TEAD1: variants seen among roughly 807,000 people sequenced by gnomAD.
TEAD1 encodes the protein transcriptional enhancer factor TEF-1.
TEAD1 carries 9 observed loss-of-function variants against 54.9 expected under a neutral mutation model. That is an observed-to-expected ratio of 0.16 (90% CI 0.10 to 0.29). TEAD1 has a LOEUF of 0.29. Among genes scored for constraint, TEAD1 ranks in the 10% least tolerant of loss-of-function variants. TEAD1 has a pLI of 1.00. For synonymous variants in TEAD1, 200 were observed against 187.8 expected, an observed-to-expected ratio of 1.07 and a Z score of -0.53; for missense variants, 387 against 535.9, an observed-to-expected ratio of 0.72 and a Z score of 2.74.
In TEAD1 at chr11:12,674,444, T is replaced by TCGCGCCGCGC. The variant is rs1002920389; in HGVS notation, c.-589_-580dup. The TCGCGCCGCGC allele has an allele frequency of 6.7e-6, 1 of 150,328 alleles. No homozygotes were observed. Among genetic ancestry groups the TCGCGCCGCGC allele is most frequent in the East Asian group, 2.0e-4 (1 of 5,074 alleles). 9.3% of individuals were successfully genotyped at this position (150,328 alleles called of 1,614,324 possible). On this transcript the variant is annotated 5_prime_UTR_variant, in exon 1 of 13. Coordinates refer to ENST00000527636, the MANE Select transcript of TEAD1 (RefSeq NM_021961.6). ...TCATTCCGAACATTCTTAGCATCGC[T>TCGCGCCGCGC]CGCGCCGCGCCGCGCCGCCTGAGCC...
intron 2 of TEAD1, among the ~76,000 whole-genome samples, chr11:12,691,326 C>G (rs1356647132): frequency 6.6e-6 from 1 of 152,104 alleles, no homozygotes; most frequent in Non-Finnish European, 1.5e-5. Context: ...TGTCCAACCT[C>G]TTGTGTATTC....
chr11:12,768,600 C>G (rs1021722790), intron 3 of TEAD1, among the ~76,000 whole-genome samples: 3 of 152,348 alleles, frequency 2.0e-5, no homozygotes, highest in Non-Finnish European at 4.4e-5. Context: ...TCAGGGCTGT[C>G]TGACTCTACA....
intron 2 of TEAD1, among the ~76,000 whole-genome samples, chr11:12,752,509 C>T (rs901417406): frequency 5.3e-5 from 8 of 152,214 alleles, no homozygotes; most frequent in South Asian, 2.1e-4. Flanking sequence ...TTGGTATGAA[C>T]GGACGCAGAC....
At chr11:12,754,957 A>T (rs1944957798) in intron 2 of TEAD1, among the ~76,000 whole-genome samples, 1 of 152,218 alleles carries the variant, frequency 6.6e-6, no homozygotes, top group Non-Finnish European at 1.5e-5. Flanking sequence ...CTACTTTTGT[A>T]TGCAAAGTAG....
At chr11:12,911,634 G>A (rs946353840) in intron 10 of TEAD1, among the ~76,000 whole-genome samples, 17 of 151,722 alleles carry the variant, frequency 1.1e-4, no homozygotes, top group African/African-American at 3.9e-4. Context: ...GGTACTTGGG[G>A]GCTAATACAT....
At chr11:12,834,859 C>T (rs138607404) in intron 3 of TEAD1, among the ~76,000 whole-genome samples, 57 of 151,954 alleles carry the variant, frequency 3.8e-4, no homozygotes, top group African/African-American at 1.3e-3. Context: ...TCAAGCTATC[C>T]TCCTGCCTTG....
intron 2 of TEAD1, among the ~76,000 whole-genome samples, chr11:12,721,576 T>C (rs1451834452): frequency 6.6e-6 from 1 of 152,212 alleles, no homozygotes; most frequent in Non-Finnish European, 1.5e-5. Context: ...AGCTCACTCA[T>C]TCATTCATTC....
intron 3 of TEAD1, among the ~76,000 whole-genome samples, chr11:12,812,769 T>A (rs1036383378): frequency 6.6e-6 from 1 of 152,212 alleles, no homozygotes; most frequent in Non-Finnish European, 1.5e-5. Flanking sequence ...ATCATTCCCT[T>A]TGGGGAAGTC....
intron 2 of TEAD1, among the ~76,000 whole-genome samples, chr11:12,701,938 A>T (rs1943712109): frequency 6.6e-6 from 1 of 152,194 alleles, no homozygotes; most frequent in Non-Finnish European, 1.5e-5. Flanking sequence ...AGGAAATGTC[A>T]TTTGGTTATA....
intron 9 of TEAD1, among the ~76,000 whole-genome samples, chr11:12,895,846 T>C (rs940322901): frequency 6.6e-6 from 1 of 152,186 alleles, no homozygotes; most frequent in African/African-American, 2.4e-5. Context: ...GCTTATATTG[T>C]ATATCTCATT....
chr11:12,852,568 C>T (rs914139537), intron 3 of TEAD1, among the ~76,000 whole-genome samples: 3 of 151,964 alleles, frequency 2.0e-5, no homozygotes, highest in Non-Finnish European at 4.4e-5. Flanking sequence ...TTGCCTCAGC[C>T]TCCCTAGTAG....
At chr11:12,731,629 T>A (rs572383957) in intron 2 of TEAD1, among the ~76,000 whole-genome samples, 68 of 152,322 alleles carry the variant, frequency 4.5e-4, no homozygotes, top group African/African-American at 1.6e-3. Flanking sequence ...TTCCTTCTCA[T>A]TTTTTGGCAG....
At chr11:12,866,678 T>C (rs948078421) in intron 5 of TEAD1, among the ~76,000 whole-genome samples, 1 of 152,236 alleles carries the variant, frequency 6.6e-6, no homozygotes, top group Non-Finnish European at 1.5e-5. Flanking sequence ...AGCAGTAGGA[T>C]AGCAACTGGC....
chr11:12,677,880 A>G (rs1009739575), intron 2 of TEAD1, among the ~76,000 whole-genome samples: 7 of 152,304 alleles, frequency 4.6e-5, no homozygotes, highest in African/African-American at 1.7e-4. Flanking sequence ...CTCTAATCTC[A>G]TGTGTTATGT....
chr11:12,711,475 A>G (rs1943938591), intron 2 of TEAD1, among the ~76,000 whole-genome samples: 1 of 152,174 alleles, frequency 6.6e-6, no homozygotes. Flanking sequence ...GAGATCTTGC[A>G]TACTGCAAAC....
intron 12 of TEAD1, among the ~76,000 whole-genome samples, chr11:12,935,605 T>A (rs1430806712): frequency 6.6e-6 from 1 of 151,708 alleles, no homozygotes; most frequent in South Asian, 2.1e-4. Flanking sequence ...GATTACAGGC[T>A]CCCGCCACTG....
rs527383932 is a variant in TEAD1 at position 12,680,620 on chromosome 11, A to C, written c.-55+5059A>C. Reference sequence around the variant, plus strand: ...ATCTGGTTTTCTCTCTGTTCACCTGATCTATCCCCGTACACGTGCTCACAT... The same window carrying C: ...ATCTGGTTTTCTCTCTGTTCACCTGCTCTATCCCCGTACACGTGCTCACAT... On this transcript the variant is annotated intron_variant, in intron 2 of 12. Transcript: ENST00000527636. 1.6e-4 allele frequency among the ~76,000 whole-genome samples: 24 copies of C among 152,266 alleles called. No individual in the cohort carries two copies. The East Asian group carries it at 2.1e-3, about 13-fold the overall frequency.
At chr11:12,762,971 A>T (rs1945130790) in intron 2 of TEAD1, among the ~76,000 whole-genome samples, 1 of 152,162 alleles carries the variant, frequency 6.6e-6, no homozygotes, top group African/African-American at 2.4e-5. Flanking sequence ...AACTGTGGCC[A>T]CATGAAACCC....
At chr11:12,688,178 G>A (rs1943373917) in intron 2 of TEAD1, among the ~76,000 whole-genome samples, 1 of 152,184 alleles carries the variant, frequency 6.6e-6, no homozygotes, top group Non-Finnish European at 1.5e-5. Flanking sequence ...TTCCCACCCA[G>A]GTGACCAGCT....
Sources: allele counts gnomAD v4.1 joint callset (sites outside exome capture counted in the v4.1 genomes callset), GRCh38; gene constraint gnomAD v4.1.1; transcripts MANE v1.5; gene names NCBI Gene and HGNC (gene_info 2026-07-23, HGNC 2026-07-21).